CAST: variants seen among roughly 807,000 people sequenced by gnomAD.
The protein encoded by CAST is calpastatin.
In CAST, 76 loss-of-function variants were observed where a neutral mutation model predicts 119.6. The ratio of observed to expected loss-of-function variants is 0.64; its 90% CI spans 0.53 to 0.77. The LOEUF (loss-of-function observed/expected upper bound fraction) is 0.77. Among genes scored for constraint, CAST ranks in the 30% least tolerant of loss-of-function variants. The pLI, the probability that CAST is intolerant of heterozygous loss-of-function variation, is 0.00. For missense variants in CAST, 953 were observed against 946.5 expected, an observed-to-expected ratio of 1.01 and a Z score of -0.09; for synonymous variants, 319 against 331.6, an observed-to-expected ratio of 0.96 and a Z score of 0.41.
chr5:96,506,684 TGAG>T, the CAST span, among the ~76,000 whole-genome samples: 1 of 152,208 alleles, frequency 6.6e-6, no homozygotes, highest in South Asian at 2.1e-4. Context: ...CCTCCCACTA[TGAG>T]GAGGTCTCAG....
the CAST span, among the ~76,000 whole-genome samples, chr5:96,272,399 C>A: frequency 3.9e-5 from 6 of 152,064 alleles, no homozygotes. Context: ...AAATGTGGTA[C>A]ATATACACAA....
the CAST span, among the ~76,000 whole-genome samples, chr5:95,963,220 A>T: frequency 6.6e-6 from 1 of 152,238 alleles, no homozygotes; most frequent in East Asian, 1.9e-4. Flanking sequence ...GGGAAAGTTT[A>T]TAGATATTTA....
At chr5:96,584,184 G>C (rs983145796) in intron 1 of CAST, among the ~76,000 whole-genome samples, 1 of 152,174 alleles carries the variant, frequency 6.6e-6, no homozygotes, top group Non-Finnish European at 1.5e-5. Flanking sequence ...TCAGGCATTT[G>C]TTAAGTTCTC....
At chr5:96,427,122 T>C in the CAST span, among the ~76,000 whole-genome samples, 1 of 152,192 alleles carries the variant, frequency 6.6e-6, no homozygotes, top group Non-Finnish European at 1.5e-5. Context: ...AACAGACTTG[T>C]AAAGATAGAC....
chr5:96,247,786 A>G, the CAST span: 6 of 152,250 alleles, frequency 3.9e-5, no homozygotes, highest in African/African-American at 1.2e-4. Context: ...TAATCAGTGC[A>G]AAGAAAAGCA....
chr5:96,423,249 GC>G, the CAST span: 1 of 1,495,270 alleles, frequency 6.7e-7, no homozygotes. Flanking sequence ...AAGAAGGAAA[GC>G]CCTAACTGTG....
the CAST span, among the ~76,000 whole-genome samples, chr5:96,330,244 T>C: frequency 5.9e-5 from 9 of 152,346 alleles, no homozygotes; most frequent in African/African-American, 2.2e-4. Flanking sequence ...GGCAGTTTTA[T>C]ATGGTTCCAC....
At chr5:96,707,173 A>G (rs1181258051) in intron 3 of CAST, among the ~76,000 whole-genome samples, 2 of 152,144 alleles carry the variant, frequency 1.3e-5, no homozygotes, top group Non-Finnish European at 2.9e-5. Context: ...TAGAGGAGGA[A>G]AACTTCACAC....
At chr5:96,743,131 G>A (rs773988303) in intron 16 of CAST, among the ~76,000 whole-genome samples, 8 of 152,248 alleles carry the variant, frequency 5.3e-5, no homozygotes, top group Non-Finnish European at 8.8e-5. Context: ...GTCTATACAC[G>A]GAGTGGGAAG....
At chr5:96,652,037 G>A (rs9686429) in intron 1 of CAST, among the ~76,000 whole-genome samples, 3,941 of 152,184 alleles carry the variant, frequency 0.026, 175 homozygotes, top group African/African-American at 0.091. Context: ...AGAGAGCTTC[G>A]GTAAACTTCC....
chr5:96,514,214 G>A, the CAST span, among the ~76,000 whole-genome samples: 1 of 152,152 alleles, frequency 6.6e-6, no homozygotes, highest in Non-Finnish European at 1.5e-5. Context: ...ACCCATAATT[G>A]CTATCAGTTA....
intron 1 of CAST, chr5:96,663,135 C>G (rs1040830279): frequency 5.7e-6 from 4 of 702,488 alleles, no homozygotes; most frequent in Non-Finnish European, 1.0e-5. Context: ...CCGGTTGTTG[C>G]CATGGCATTC....
intron 1 of CAST, among the ~76,000 whole-genome samples, chr5:96,611,038 T>G (rs545418093): frequency 6.6e-6 from 1 of 152,178 alleles, no homozygotes; most frequent in East Asian, 1.9e-4. Context: ...GACACAAACA[T>G]GGGAAAACAT....
the CAST span, among the ~76,000 whole-genome samples, chr5:96,499,352 T>C: frequency 6.6e-6 from 1 of 152,240 alleles, no homozygotes; most frequent in Non-Finnish European, 1.5e-5. Flanking sequence ...CGTTTCCAAG[T>C]GCATATAAAG....
chr5:96,160,679 C>A, the CAST span, among the ~76,000 whole-genome samples: 5 of 152,162 alleles, frequency 3.3e-5, no homozygotes, highest in Non-Finnish European at 7.4e-5. Flanking sequence ...TTTTTAGGAA[C>A]TGCCAAACTG....
At chr5:96,611,923 A>G (rs1259149409) in intron 1 of CAST, among the ~76,000 whole-genome samples, 2 of 152,196 alleles carry the variant, frequency 1.3e-5, no homozygotes, top group African/African-American at 4.8e-5. Flanking sequence ...CATAGCTATT[A>G]TTAAAACGTC....
At chr5:96,264,842 A>G in the CAST span, among the ~76,000 whole-genome samples, 4 of 152,132 alleles carry the variant, frequency 2.6e-5, no homozygotes, top group African/African-American at 9.7e-5. Context: ...TGTGAGATTA[A>G]TTCATATTTT....
At chr5:96,014,240 ATCAC>A in the CAST span, among the ~76,000 whole-genome samples, 1 of 151,750 alleles carries the variant, frequency 6.6e-6, no homozygotes, top group Non-Finnish European at 1.5e-5. Context: ...GATCATCAAT[ATCAC>A]TCTCTTCTAC....
the CAST span, among the ~76,000 whole-genome samples, chr5:96,417,133 C>G: frequency 6.6e-6 from 1 of 152,156 alleles, no homozygotes; most frequent in African/African-American, 2.4e-5. Context: ...TTCAATTCTA[C>G]TATACTGGCC....
Sources: allele counts gnomAD v4.1 joint callset (sites outside exome capture counted in the v4.1 genomes callset), GRCh38; gene constraint gnomAD v4.1.1; transcripts MANE v1.5; gene names NCBI Gene and HGNC (gene_info 2026-07-23, HGNC 2026-07-21).